ZNF571: variants seen among roughly 807,000 people sequenced by gnomAD.
The protein encoded by ZNF571 is zinc finger protein 571.
A neutral mutation model predicts 7.7 loss-of-function variants in ZNF571; 4 were observed. The observed-to-expected ratio is 0.52, with a 90% CI of 0.25 to 1.18. ZNF571 has a LOEUF of 1.18. ZNF571 is among the 50% of genes most tolerant of loss of function. ZNF571 has a pLI of 0.14. For missense variants in ZNF571, 704 were observed against 726.9 expected, an observed-to-expected ratio of 0.97 and a Z score of 0.36; for synonymous variants, 251 against 232.4, an observed-to-expected ratio of 1.08 and a Z score of -0.73.
intron 3 of ZNF571, among the ~76,000 whole-genome samples, chr19:37,577,935 A>AGAGCAGGAGGT (rs1441011563): frequency 6.6e-6 from 1 of 152,180 alleles, no homozygotes; most frequent in South Asian, 2.1e-4. Flanking sequence ...ACCGAACTGC[A>AGAGCAGGAGGT]GAGCAGGAGG....
intron 1 of ZNF571, among the ~76,000 whole-genome samples, chr19:37,590,200 A>G (rs2043826211): frequency 6.6e-6 from 1 of 151,906 alleles, no homozygotes; most frequent in African/African-American, 2.4e-5. Context: ...AGGTCAGGAG[A>G]TCAAGACCAT....
chr19:37,574,493 A>C (rs1057047045), intron 3 of ZNF571, among the ~76,000 whole-genome samples: 1 of 152,082 alleles, frequency 6.6e-6, no homozygotes, highest in Non-Finnish European at 1.5e-5. Context: ...TCTACCTAAA[A>C]CTCTTAGCTC....
intron 3 of ZNF571, chr19:37,575,850 C>T (rs1351892587): frequency 2.0e-5 from 3 of 152,158 alleles, no homozygotes; most frequent in Non-Finnish European, 4.4e-5. Context: ...ACACTGAAAC[C>T]ATAAAGTGTT....
chr19:37,575,332 C>T (rs1483080130), intron 3 of ZNF571, among the ~76,000 whole-genome samples: 3 of 152,168 alleles, frequency 2.0e-5, no homozygotes, highest in African/African-American at 4.8e-5. Flanking sequence ...TAAGCATATA[C>T]ATGAAATTAC....
intron 1 of ZNF571, among the ~76,000 whole-genome samples, chr19:37,588,844 G>A (rs943110131): frequency 6.6e-6 from 1 of 152,090 alleles, no homozygotes; most frequent in African/African-American, 2.4e-5. Flanking sequence ...AGGTAAAATT[G>A]GAACCCCATT....
chr19:37,572,936 T>C (rs1047776104), intron 3 of ZNF571, among the ~76,000 whole-genome samples: 1 of 152,212 alleles, frequency 6.6e-6, no homozygotes, highest in African/African-American at 2.4e-5. Flanking sequence ...TTTCAAACTT[T>C]AAAACTGACA....
chr19:37,591,896 A>G (rs2043879619), intron 1 of ZNF571, among the ~76,000 whole-genome samples: 3 of 152,176 alleles, frequency 2.0e-5, no homozygotes, highest in Admixed American at 1.3e-4. Context: ...GTTCTTATAT[A>G]TAGAAGAACT....
chr19:37,594,529 C>A (rs936421864), intron 1 of ZNF571: 1 of 152,268 alleles, frequency 6.6e-6, no homozygotes, highest in East Asian at 1.9e-4. Context: ...AGCACCACAC[C>A]CCCGCCACTG....
In ZNF571 at chr19:37,581,854, G is replaced by GTCCTTCT. The variant is rs755323196; in HGVS notation, c.136+2116_136+2117insAGAAGGA. On this transcript the variant is annotated intron_variant, in intron 3 of 3. Coordinates refer to ENST00000451802, the MANE Select transcript of ZNF571 (RefSeq NM_016536.5). ...GTTCACCCTGCAGTGGACAGGAGCT[G>GTCCTTCT]CAGGGTGAACCAGGAGAATGGCAAA... Among the ~76,000 whole-genome samples, 559 of 151,932 alleles carry GTCCTTCT rather than the reference G, an allele frequency of 3.7e-3. 2 individuals are homozygous for GTCCTTCT. Among genetic ancestry groups the GTCCTTCT allele is most frequent in the Non-Finnish European group, 3.4e-3 (234 of 67,970 alleles).
chr19:37,588,233 A>G (rs2043750443), intron 1 of ZNF571, among the ~76,000 whole-genome samples: 1 of 152,086 alleles, frequency 6.6e-6, no homozygotes, highest in African/African-American at 2.4e-5. Context: ...TGACCCCAAT[A>G]AAAGTACAAG....
intron 2 of ZNF571, chr19:37,586,313 T>A (rs1205606000): frequency 9.8e-6 from 2 of 203,962 alleles, no homozygotes; most frequent in African/African-American, 4.6e-5. Context: ...GTAGAGAAGA[T>A]CAAATTTTGT....
chr19:37,569,488 A>G lies in ZNF571; in HGVS notation c.137-3197T>C, dbSNP rs1270575600. 6.6e-6 allele frequency among the ~76,000 whole-genome samples: 1 copy of G among 152,216 alleles called. No homozygotes were observed. The highest frequency in any genetic ancestry group is 1.5e-5 in the Non-Finnish European group (1 of 68,044). On this transcript the variant is annotated intron_variant, in intron 3 of 3. Coordinates refer to ENST00000451802, the MANE Select transcript of ZNF571 (RefSeq NM_016536.5). This position sits in a 1 kb window ranked among gnomAD's most constrained non-coding sequence, Gnocchi z 4.4. ...TAGTAAGAAATACATATTATGACTGAGTACACACACTCAAACATAAAACAA... is the reference window on the plus strand; with the variant it reads ...TAGTAAGAAATACATATTATGACTGGGTACACACACTCAAACATAAAACAA...
intron 3 of ZNF571, among the ~76,000 whole-genome samples, chr19:37,582,312 T>C (rs1374360318): frequency 1.3e-5 from 2 of 152,204 alleles, no homozygotes; most frequent in Admixed American, 1.3e-4. Flanking sequence ...GCGTTCCTCT[T>C]ACTTGAACTC....
rs576243454 is a variant in ZNF571 at position 37,581,212 on chromosome 19, C to A, written c.136+2759G>T. Among the ~76,000 whole-genome samples the A allele has an allele frequency of 2.5e-4, 38 of 152,290 alleles. 1 individual carries two copies. In the Middle Eastern group the frequency reaches 0.01, roughly 41 times the overall value. On this transcript the variant is annotated intron_variant, in intron 3 of 3. Transcript: ENST00000451802. ...CAATTTATTTATATTCTAATCATTT[C>A]ATTCCCAAACATCATGTTTCCTACC...
At chr19:37,583,544 C>G (rs949567646) in intron 3 of ZNF571, 1 of 155,626 alleles carries the variant, frequency 6.4e-6, no homozygotes, top group Non-Finnish European at 1.4e-5. Flanking sequence ...CTGCCACCTA[C>G]GGATCAGCTG....
intron 3 of ZNF571, among the ~76,000 whole-genome samples, chr19:37,579,706 A>C (rs535531043): frequency 6.6e-6 from 1 of 152,270 alleles, no homozygotes; most frequent in South Asian, 2.1e-4. Flanking sequence ...TACAGTTATA[A>C]AGCCACCAGC....
intron 1 of ZNF571, among the ~76,000 whole-genome samples, chr19:37,592,702 G>C (rs2043902331): frequency 6.6e-6 from 1 of 152,218 alleles, no homozygotes; most frequent in African/African-American, 2.4e-5. Flanking sequence ...ATGAATTAAA[G>C]GTGATTTAGG....
At chr19:37,581,255 T>A (rs1171821708) in intron 3 of ZNF571, among the ~76,000 whole-genome samples, 1 of 152,146 alleles carries the variant, frequency 6.6e-6, no homozygotes, top group Non-Finnish European at 1.5e-5. Flanking sequence ...GCCAAATCCA[T>A]AATAGATTAG....
rs1195070777 is a variant in ZNF571, at chr19:37,564,653, C to T, written c.1775G>A (p.Gly592Asp). Residue 592 changes from glycine to aspartate, a missense_variant, in exon 4 of 4, where the codon GGT becomes GAT. Coordinates refer to ENST00000451802, the MANE Select transcript of ZNF571 (RefSeq NM_016536.5). The stretch of plus-strand genomic sequence containing the variant: ...TTGTGAAGGACATCTAAAGTCTTTA[C>T]CACACTGGACACATGTATAGGGTTT... ...GEKPYTCVQC[G>D]KDFRCPSQLT... 2 of 1,598,628 alleles carry T rather than the reference C, an allele frequency of 1.3e-6. No individual in the cohort carries two copies. The highest frequency in any genetic ancestry group is 2.3e-5 in the South Asian group (2 of 88,392).
Sources: gnomAD v4.1 joint callset for allele counts (sites outside exome capture counted in the v4.1 genomes callset) on GRCh38, gnomAD v4.1.1 for gene constraint, Gnocchi (gnomAD v3.1) non-coding constraint, MANE v1.5 for transcripts, NCBI Gene and HGNC (gene_info 2026-07-23, HGNC 2026-07-21) for gene names.